Variants in PCDHA8 observed in about 807,000 individuals in gnomAD.
PCDHA8 encodes the protein protocadherin alpha 8.
Under a neutral mutation model 61.8 loss-of-function variants are expected in PCDHA8, and 53 were observed. The observed-to-expected ratio is 0.86, with a 90% CI of 0.69 to 1.08. The LOEUF (loss-of-function observed/expected upper bound fraction) is 1.08, where lower values mean the gene tolerates loss of function less well. Ranked by LOEUF, PCDHA8 falls within the 50% of genes least tolerant of loss-of-function variation. The probability of loss-of-function intolerance (pLI) is 0.00; values close to 1 mark genes in which losing one functional copy is unlikely to be tolerated. For missense variants in PCDHA8, 1,293 were observed against 1,245.0 expected (o/e 1.04, Z -0.58); for synonymous variants, 618 against 556.6 (o/e 1.11, Z -1.55).
chr5:140,983,483 C>T (rs2097053951), intron 3 of PCDHA8, among the ~76,000 whole-genome samples: 1 of 152,220 alleles, frequency 6.6e-6, no homozygotes, highest in African/African-American at 2.4e-5. Flanking sequence ...ATAGTAGTTA[C>T]TAATTATTAA....
At position 140,843,133 on chromosome 5, in the gene PCDHA8, C is replaced by G; in HGVS notation, c.1812C>G (p.Asn604Lys). 1 of 1,595,974 alleles carries G rather than the reference C, an allele frequency of 6.3e-7. No homozygotes were observed. Among genetic ancestry groups the G allele is most frequent in the Non-Finnish European group, 8.6e-7 (1 of 1,165,590 alleles). Residue 604 changes from asparagine to lysine, a missense_variant, in exon 1 of 4, where the codon AAC becomes AAG. Transcript: ENST00000531613. ...CAGTGGACGCCGACTCGGGCTACAA[C>G]GCGTGGCTTTCGTATGAGCTGCAGC... is the stretch of plus-strand genomic sequence containing the variant. ...VRAVDADSGY[N>K]AWLSYELQPA... is the part of the protein sequence containing the mutation.
intron 1 of PCDHA8, chr5:140,849,218 G>A (rs2150433092): frequency 1.9e-6 from 2 of 1,040,734 alleles, no homozygotes; most frequent in South Asian, 3.2e-5. Context: ...ATGCCCCAGT[G>A]TTCGACAGAA....
rs1554168215 is a variant in PCDHA8, at chr5:140,876,039, T to A, written c.2394+32324T>A. 3 of 1,613,746 alleles carry A rather than the reference T, an allele frequency of 1.9e-6. No individual in the cohort carries two copies. Among genetic ancestry groups the A allele is most frequent in the South Asian group, 2.2e-5 (2 of 91,062 alleles). On this transcript the variant is annotated intron_variant, in intron 1 of 3. Transcript: ENST00000531613. ...AAATAAAAACAAAAAAAGATAAAAG[T>A]ATATTGCCTGAATTAGTTCTTCGGA...
chr5:140,889,814 CATA>C (rs1463937516), intron 1 of PCDHA8, among the ~76,000 whole-genome samples: 6 of 152,048 alleles, frequency 3.9e-5, no homozygotes, highest in Non-Finnish European at 7.4e-5. Context: ...GAAGTCAGGT[CATA>C]AGAAGTCTTA....
intron 1 of PCDHA8, among the ~76,000 whole-genome samples, chr5:140,896,047 G>T (rs1369678792): frequency 6.6e-6 from 1 of 152,138 alleles, no homozygotes; most frequent in Non-Finnish European, 1.5e-5. Context: ...CTGACCTCAG[G>T]TGATCCGCCT....
chr5:140,961,965 C>T (rs1292120191), intron 1 of PCDHA8, among the ~76,000 whole-genome samples: 9 of 151,536 alleles, frequency 5.9e-5, no homozygotes, highest in Non-Finnish European at 8.8e-5. Context: ...CTCACTGCAA[C>T]CTCCGCCTCC....
intron 1 of PCDHA8, among the ~76,000 whole-genome samples, chr5:140,941,281 C>G (rs12652617): frequency 1.4e-5 from 1 of 69,002 alleles, no homozygotes. Flanking sequence ...TTCCTTCCTT[C>G]CTTTCTCTTT....
At chr5:140,929,417 T>C in intron 1 of PCDHA8, 2 of 1,503,568 alleles carry the variant, frequency 1.3e-6, no homozygotes, top group Non-Finnish European at 1.8e-6. Context: ...TTTCACAACA[T>C]TTCATCAATT....
At chr5:140,870,426 C>T in intron 1 of PCDHA8, 2 of 1,614,208 alleles carry the variant, frequency 1.2e-6, no homozygotes, top group South Asian at 2.2e-5. Context: ...CCAGGGTATC[C>T]GTGGAGGTGG....
intron 1 of PCDHA8, chr5:140,929,215 T>C (rs1554206842): frequency 1.2e-6 from 2 of 1,613,934 alleles, no homozygotes; most frequent in East Asian, 2.2e-5. Context: ...GCGTGGGGAG[T>C]ACAATGCTGC....
At chr5:140,856,866 A>G in intron 1 of PCDHA8, 1 of 1,595,900 alleles carries the variant, frequency 6.3e-7, no homozygotes, top group Non-Finnish European at 8.6e-7. Flanking sequence ...GAAGGAATAA[A>G]CAAGGAAATG....
In PCDHA8 at chr5:140,871,676, A is replaced by G. The variant is rs141392186; in HGVS notation, c.2394+27961A>G. ...TACACATCTTCAGTCTTTTAATCAT[A>G]TGAATAATCTGGCTTCTTTAACCAA... On this transcript the variant is annotated intron_variant, in intron 1 of 3. Coordinates refer to ENST00000531613, the MANE Select transcript of PCDHA8 (RefSeq NM_018911.3). 511 of 1,133,248 alleles carry G rather than the reference A, an allele frequency of 4.5e-4. 2 individuals carry two copies. The African/African-American group carries it at 7.0e-3, about 16-fold the overall frequency. The allele number at this position is 1,133,248 out of a possible 1,614,324, so 70.2% of individuals were successfully genotyped here.
chr5:140,850,789 A>C, intron 1 of PCDHA8: 1 of 1,598,402 alleles, frequency 6.3e-7, no homozygotes, highest in Non-Finnish European at 8.6e-7. Flanking sequence ...GAGGGTAAGC[A>C]GAAGACCGAC....
chr5:140,871,673 C>T (rs980419228), intron 1 of PCDHA8: 1 of 1,142,814 alleles, frequency 8.8e-7, no homozygotes, highest in East Asian at 2.6e-5. Flanking sequence ...GTCTTTTAAT[C>T]ATATGAATAA....
intron 1 of PCDHA8, among the ~76,000 whole-genome samples, chr5:140,887,198 G>T (rs1276345927): frequency 6.6e-6 from 1 of 151,492 alleles, no homozygotes; most frequent in Admixed American, 6.6e-5. Flanking sequence ...CCGGGTTCAC[G>T]CCATTCTCCT....
chr5:140,884,610 G>A (rs1554181783), intron 1 of PCDHA8: 1 of 1,614,138 alleles, frequency 6.2e-7, no homozygotes, highest in South Asian at 1.1e-5. Context: ...CCTTGTCTGG[G>A]TTCTGCAGAG....
In PCDHA8 at chr5:140,843,412, C is replaced by G. The variant is rs2150359416; in HGVS notation, c.2091C>G (p.Asn697Lys). The change falls in exon 1 of 4, where the codon AAC becomes AAG. Residue 697 changes from asparagine to lysine, a missense_variant. Asn to Lys is a moderately conservative substitution (Grantham distance 94, BLOSUM62 0). Transcript: ENST00000531613. Reference protein sequence around the residue: ...LGPEAALVDVNVYLIIAICAV... With the variant: ...LGPEAALVDVKVYLIIAICAV... ...CGGAAGCGGCGCTGGTGGATGTCAA[C>G]GTGTACCTGATCATCGCCATCTGCG... is the stretch of plus-strand genomic sequence containing the variant. 36 of 1,595,950 alleles carry G rather than the reference C, an allele frequency of 2.3e-5. 4 individuals carry two copies. The highest frequency in any genetic ancestry group is 6.6e-5 in the South Asian group (6 of 90,510).
intron 1 of PCDHA8, among the ~76,000 whole-genome samples, chr5:140,872,108 A>G (rs980071264): frequency 1.3e-5 from 2 of 152,072 alleles, no homozygotes; most frequent in African/African-American, 4.8e-5. Context: ...TGGCTTTCCT[A>G]ACTTCAGGCT....
At chr5:140,931,853 G>A (rs2087796602) in intron 1 of PCDHA8, among the ~76,000 whole-genome samples, 1 of 151,744 alleles carries the variant, frequency 6.6e-6, no homozygotes, top group African/African-American at 2.4e-5. Context: ...ATAACAACAG[G>A]ATTCTAGAAA....
Sources: allele counts gnomAD v4.1 joint callset (sites outside exome capture counted in the v4.1 genomes callset), GRCh38; gene constraint gnomAD v4.1.1; transcripts MANE v1.5; gene names NCBI Gene and HGNC (gene_info 2026-07-23, HGNC 2026-07-21).